PLD1: variants seen among roughly 807,000 people sequenced by gnomAD.
PLD1 encodes phospholipase D1.
A neutral mutation model predicts 137.1 loss-of-function variants in PLD1; 112 were observed. The observed-to-expected ratio is 0.82, with a 90% confidence interval of 0.70 to 0.96. The LOEUF (loss-of-function observed/expected upper bound fraction) is 0.96. Among genes scored for constraint, PLD1 ranks in the 40% least tolerant of loss-of-function variants. PLD1 has a pLI of 0.00. For synonymous variants in PLD1, 431 were observed against 454.7 expected (o/e 0.95, Z 0.66); for missense variants, 1,321 against 1,342.0 (o/e 0.98, Z 0.24).
At chr3:171,752,284 C>A (rs1720719994) in intron 1 of PLD1, among the ~76,000 whole-genome samples, 1 of 152,160 alleles carries the variant, frequency 6.6e-6, no homozygotes, top group African/African-American at 2.4e-5. Flanking sequence ...GGAAATGATA[C>A]ACAATAACTT....
Position 171,738,067 on chromosome 3 carries a change from A to G in PLD1, c.-16T>C. The G allele has an allele frequency of 6.2e-7, 1 of 1,603,494 alleles. No individual in the cohort carries two copies. The highest frequency in any genetic ancestry group is 8.5e-7 in the Non-Finnish European group (1 of 1,174,782). The stretch of plus-strand genomic sequence containing the variant: ...TCAGTGACATGTTAACTTTGGACAG[A>G]GTAAAAGCAAAGGGGCTAGGAAAGA... On this transcript the variant is annotated 5_prime_UTR_variant, in exon 2 of 27. Coordinates refer to ENST00000351298, the MANE Select transcript of PLD1 (RefSeq NM_002662.5).
rs9851447 is a variant in PLD1 at position 171,734,613 on chromosome 3, T to C, written c.540+252A>G. On this transcript the variant is annotated intron_variant, in intron 5 of 26. Transcript: ENST00000351298. The stretch of plus-strand genomic sequence containing the variant: ...ACTCACAATAAGCCCAAGGAGATTC[T>C]AGCAGGGAGAACAGCTTCTTCATAA... Among the ~76,000 whole-genome samples the C allele has an allele frequency of 0.14, 21,102 of 152,198 alleles. 1,531 individuals are homozygous for C. Among genetic ancestry groups the C allele is most frequent in the South Asian group, 0.22 (1,065 of 4,816 alleles).
chr3:171,750,485 G>A (rs1720575820), intron 1 of PLD1, among the ~76,000 whole-genome samples: 1 of 151,898 alleles, frequency 6.6e-6, no homozygotes, highest in Non-Finnish European at 1.5e-5. Flanking sequence ...AATGTGTAAA[G>A]AAATAATGAT....
intron 1 of PLD1, among the ~76,000 whole-genome samples, chr3:171,770,568 A>T (rs1722277522): frequency 6.6e-6 from 1 of 152,144 alleles, no homozygotes; most frequent in Non-Finnish European, 1.5e-5. Context: ...TAGTGCGACG[A>T]CACAAAGAAA....
chr3:171,764,878 A>AGGAAGGAAGGAAG (rs1491270656), intron 1 of PLD1, among the ~76,000 whole-genome samples: 1 of 21,238 alleles, frequency 4.7e-5, no homozygotes, highest in Non-Finnish European at 1.0e-4. Flanking sequence ...AAAGAAAGAA[A>AGGAAGGAAGGAAG]GAAAGAAAGA....
At chr3:171,608,904 G>C (rs1732422195) in intron 25 of PLD1, among the ~76,000 whole-genome samples, 1 of 152,098 alleles carries the variant, frequency 6.6e-6, no homozygotes, top group African/African-American at 2.4e-5. Flanking sequence ...AGATTGATTT[G>C]ATTAATAAGA....
At chr3:171,765,022 AAAAG>A (rs921997442) in intron 1 of PLD1, 6 of 151,602 alleles carry the variant, frequency 4.0e-5, no homozygotes, top group South Asian at 2.1e-4. Flanking sequence ...AAGAAAAAGA[AAAAG>A]AAAGAAAGCT....
chr3:171,680,565 T>C (rs1445005820), intron 16 of PLD1, among the ~76,000 whole-genome samples: 2 of 152,150 alleles, frequency 1.3e-5, no homozygotes, highest in Non-Finnish European at 2.9e-5. Context: ...ATTTCTAAAA[T>C]GTGCACCTGC....
intron 23 of PLD1, among the ~76,000 whole-genome samples, chr3:171,627,451 G>A (rs1431646719): frequency 3.9e-5 from 6 of 152,086 alleles, no homozygotes; most frequent in Non-Finnish European, 5.9e-5. Context: ...ACAGATCAAC[G>A]AGATAGAAAG....
At chr3:171,752,244 A>T (rs1720717299) in intron 1 of PLD1, among the ~76,000 whole-genome samples, 1 of 152,262 alleles carries the variant, frequency 6.6e-6, no homozygotes, top group Non-Finnish European at 1.5e-5. Flanking sequence ...GGATAAATAT[A>T]TATGGAAGTA....
chr3:171,607,217 A>G (rs573436618), intron 25 of PLD1, among the ~76,000 whole-genome samples: 1 of 152,312 alleles, frequency 6.6e-6, no homozygotes, highest in South Asian at 2.1e-4. Context: ...GATTTAAGAG[A>G]TGTTTGCACA....
Position 171,735,523 on chromosome 3 carries a change from C to A in PLD1, c.403G>T (p.Ala135Ser). 6.2e-7 allele frequency: 1 copy of A among 1,613,628 alleles called. No homozygotes were observed. Among genetic ancestry groups the A allele is most frequent in the Non-Finnish European group, 8.5e-7 (1 of 1,179,546 alleles). ...GTGGGAATGGGGATGCGGATAAAGG[C>A]TTTGTACTTGAGCAGCTCTCTGTGA... ...EFHRELLKYK[A>S]FIRIPIPTRR... The change falls in exon 4 of 27, where the codon GCC (alanine) becomes TCC (serine). Residue 135 changes from alanine to serine, a missense_variant. Physicochemically the swap from Ala to Ser is moderately conservative, Grantham distance 99 (BLOSUM62 1). Coordinates refer to ENST00000351298, the MANE Select transcript of PLD1 (RefSeq NM_002662.5).
At position 171,628,947 on chromosome 3, in the gene PLD1, G is replaced by C. The variant is rs1237732488; in HGVS notation, c.2594-8427C>G. ...ACTGGAAGCATTCCCTTTGAAAACT[G>C]GCACAAGACAGGGATGCCCTCTCTC... On this transcript the variant is annotated intron_variant, in intron 23 of 26. Transcript: ENST00000351298. Among the ~76,000 whole-genome samples the C allele has an allele frequency of 6.1e-5, 9 of 148,438 alleles. No homozygotes were observed. The South Asian group carries it at 1.7e-3, about 29-fold the overall frequency.
chr3:171,708,249 G>A (rs996140213), intron 11 of PLD1, among the ~76,000 whole-genome samples: 24 of 152,200 alleles, frequency 1.6e-4, no homozygotes, highest in African/African-American at 5.5e-4. Context: ...CAACTCTTAT[G>A]GATATTTTTT....
chr3:171,651,337 T>G (rs2108403084), intron 21 of PLD1, among the ~76,000 whole-genome samples: 1 of 152,166 alleles, frequency 6.6e-6, no homozygotes, highest in South Asian at 2.1e-4. Context: ...TGTGTGTGTG[T>G]GTGTGTGTGT....
chr3:171,797,162 A>G (rs1560308277), intron 1 of PLD1, among the ~76,000 whole-genome samples: 1 of 152,148 alleles, frequency 6.6e-6, no homozygotes, highest in Non-Finnish European at 1.5e-5. Flanking sequence ...TCCCAACAGT[A>G]GAGTGTCATC....
At chr3:171,782,013 G>C (rs1458744811) in intron 1 of PLD1, among the ~76,000 whole-genome samples, 1 of 152,132 alleles carries the variant, frequency 6.6e-6, no homozygotes, top group African/African-American at 2.4e-5. Context: ...ATCAAACAAT[G>C]GAATGATACT....
At chr3:171,757,908 T>C (rs1721135023) in intron 1 of PLD1, among the ~76,000 whole-genome samples, 1 of 152,204 alleles carries the variant, frequency 6.6e-6, no homozygotes, top group African/African-American at 2.4e-5. Context: ...TGTTTCCTTA[T>C]AGCTACCCAA....
rs190969321 is a variant in PLD1 at position 171,691,486 on chromosome 3, T to C, written c.1338+846A>G. On this transcript the variant is annotated intron_variant, in intron 13 of 26. Coordinates refer to ENST00000351298, the MANE Select transcript of PLD1 (RefSeq NM_002662.5). ...TTTGTTAAATAGCTATATATTTGAT[T>C]GCTATTTTCTTTGCAGTTAAATGTA... 7.2e-5 allele frequency among the ~76,000 whole-genome samples: 11 copies of C among 152,330 alleles called. 1 individual carries two copies. The highest frequency in any genetic ancestry group is 2.4e-4 in the African/African-American group (10 of 41,572).
Sources: gnomAD v4.1 joint callset for allele counts (sites outside exome capture counted in the v4.1 genomes callset) on GRCh38, gnomAD v4.1.1 for gene constraint, MANE v1.5 for transcripts, NCBI Gene and HGNC (gene_info 2026-07-23, HGNC 2026-07-21) for gene names.